Variants in PPWD1 observed in about 807,000 individuals in gnomAD.
PPWD1 encodes the protein peptidylprolyl isomerase domain and WD repeat-containing protein 1.
Under a neutral mutation model 68.8 loss-of-function variants are expected in PPWD1, and 43 were observed. The ratio of observed to expected loss-of-function variants is 0.62; its 90% CI spans 0.49 to 0.81. PPWD1 has a LOEUF of 0.81. Ranked by LOEUF, PPWD1 falls within the 30% of genes least tolerant of loss-of-function variation. The pLI is 0.00. For missense variants in PPWD1, 672 were observed against 804.8 expected, an observed-to-expected ratio of 0.83 and a Z score of 2.00; for synonymous variants, 232 against 258.7, an observed-to-expected ratio of 0.90 and a Z score of 0.99.
At chr5:65,576,703 T>G (rs1213051892) in intron 5 of PPWD1, 176 bp from the exon 6 acceptor site, 2 of 869,756 alleles carry the variant, frequency 2.3e-6, no homozygotes, top group African/African-American at 3.6e-5. Context: ...TGATTGGACT[T>G]ACTAATGTCT....
At chr5:65,578,784 G>GTA (rs372704895) in intron 6 of PPWD1, among the ~76,000 whole-genome samples, 36,659 of 135,170 alleles carry the variant, frequency 0.27, 5,341 homozygotes, top group South Asian at 0.36. Flanking sequence ...ATATATATGT[G>GTA]TATATATATA....
At chr5:65,581,345 CG>C (rs1224280429) in intron 7 of PPWD1, among the ~76,000 whole-genome samples, 2 of 152,018 alleles carry the variant, frequency 1.3e-5, no homozygotes, top group East Asian at 3.9e-4. Context: ...CAGCACTTTG[CG>C]GGGGCCCAAG....
intron 8 of PPWD1, among the ~76,000 whole-genome samples, chr5:65,584,165 A>T (rs906358998): frequency 2.6e-5 from 4 of 152,196 alleles, no homozygotes; most frequent in African/African-American, 9.7e-5. Context: ...GTTTTATACC[A>T]TATCTTGGTA....
rs567014120 is a variant in PPWD1, at chr5:65,571,757, C to T, written c.522-82C>T. 39 of 1,524,540 alleles carry T rather than the reference C, an allele frequency of 2.6e-5. No individual in the cohort carries two copies. In the African/African-American group the frequency reaches 4.9e-4, roughly 19 times the overall value. The allele number at this position is 1,524,540 out of a possible 1,614,324, so 94.4% of individuals were successfully genotyped here. On this transcript the variant is annotated intron_variant, in intron 4 of 10. Coordinates refer to ENST00000261308, the MANE Select transcript of PPWD1 (RefSeq NM_015342.4). ...AAACTGTCTAAATCACCAGCCAAGA[C>T]ATTTTTGGTAGTGGGATAGGGAGGG...
In PPWD1 at chr5:65,579,500, C is replaced by T; in HGVS notation, c.1237C>T (p.His413Tyr). Reference sequence around the variant, plus strand: ...TTTGTTCCAGGGGATAGCCAAAAAGCATCGTGCTGCAACTACTATAGAAAT... The same window carrying T: ...TTTGTTCCAGGGGATAGCCAAAAAGTATCGTGCTGCAACTACTATAGAAAT... ...LALFQGIAKKHRAATTIEMKA... is the reference protein window; with the variant it reads ...LALFQGIAKKYRAATTIEMKA... The change falls in exon 7 of 11, where the codon CAT (histidine) becomes TAT (tyrosine). Residue 413 changes from histidine (H) to tyrosine (Y), a missense_variant. Coordinates refer to ENST00000261308, the MANE Select transcript of PPWD1 (RefSeq NM_015342.4). 6.2e-7 allele frequency: 1 copy of T among 1,609,630 alleles called. No individual in the cohort carries two copies. Among genetic ancestry groups the T allele is most frequent in the Non-Finnish European group, 8.5e-7 (1 of 1,178,528 alleles).
At position 65,569,661 on chromosome 5, in the gene PPWD1, A is replaced by T; in HGVS notation, c.329A>T (p.Asp110Val). Reference protein sequence around the residue: ...KTDFIITASHDGHVKFWKKIE... With the variant: ...KTDFIITASHVGHVKFWKKIE... ...GATTTTATTATTACTGCCAGTCATG[A>T]TGGACATGTCAAGTTCTGGAAAAAA... The change falls in exon 3 of 11, where the codon GAT (aspartate) becomes GTT (valine). Residue 110 changes from aspartate to valine, a missense_variant. Transcript: ENST00000261308. 6.3e-7 allele frequency: 1 copy of T among 1,599,626 alleles called. No individual in the cohort carries two copies. Among genetic ancestry groups the T allele is most frequent in the Non-Finnish European group, 8.6e-7 (1 of 1,168,600 alleles).
intron 1 of PPWD1, among the ~76,000 whole-genome samples, chr5:65,565,549 A>C (rs1752710211): frequency 6.6e-6 from 1 of 152,128 alleles, no homozygotes; most frequent in South Asian, 2.1e-4. Flanking sequence ...GATGCCTGTA[A>C]TCCTGGCACT....
Position 65,563,348 on chromosome 5 carries a change from G to A in PPWD1, c.38G>A (p.Arg13His), listed in dbSNP as rs745411585. The change falls in exon 1 of 11, where the codon CGT (arginine) becomes CAT (histidine). Residue 13 changes from arginine to histidine, a missense_variant. By Grantham distance (29) the Arg-to-His change is conservative. This residue lies in a region of PPWD1 where 188 missense variants were observed against 158.6 expected (regional missense o/e 1.19). Coordinates refer to ENST00000261308, the MANE Select transcript of PPWD1 (RefSeq NM_015342.4). The part of the protein sequence containing the change: ...AESGSDFQQR[R>H]RRRRDPEEPE... Reference sequence around the variant, plus strand: ...AGTGGTAGCGATTTTCAGCAGAGACGTAGAAGGCGCCGGGACCCGGAGGAA... The same window carrying A: ...AGTGGTAGCGATTTTCAGCAGAGACATAGAAGGCGCCGGGACCCGGAGGAA... The A allele has an allele frequency of 4.3e-6, 7 of 1,614,074 alleles. No individual in the cohort carries two copies. Among genetic ancestry groups the A allele is most frequent in the Non-Finnish European group, 3.4e-6 (4 of 1,180,008 alleles).
chr5:65,568,425 C>T (rs1355810526), intron 2 of PPWD1, among the ~76,000 whole-genome samples: 2 of 152,128 alleles, frequency 1.3e-5, no homozygotes, highest in Admixed American at 1.3e-4. Context: ...GGTTAGATAG[C>T]ATATTAGGCT....
At chr5:65,580,056 T>C (rs1753525465) in intron 7 of PPWD1, among the ~76,000 whole-genome samples, 1 of 152,224 alleles carries the variant, frequency 6.6e-6, no homozygotes, top group Non-Finnish European at 1.5e-5. Context: ...ACCTTGGAAT[T>C]ATATATTCCT....
Position 65,571,989 on chromosome 5 carries a change from A to G in PPWD1, c.672A>G (p.Ser224=). 1.2e-6 allele frequency: 2 copies of G among 1,613,836 alleles called. No individual in the cohort carries two copies. Among genetic ancestry groups the G allele is most frequent in the South Asian group, 1.1e-5 (1 of 91,076 alleles). The change falls in exon 5 of 11, where the codon TCA becomes TCG. Residue 224 remains serine (S), a synonymous_variant. Transcript: ENST00000261308. ...PLHIFDKLHT[S]PLTQIRLNPV... ...ATATTTTTGACAAACTCCATACATC[A>G]CCTCTTACTCAGATACGGCTAAACC... is the stretch of plus-strand genomic sequence containing the variant.
At chr5:65,580,025 GACTTTT>G (rs1016850869) in intron 7 of PPWD1, among the ~76,000 whole-genome samples, 10 of 151,698 alleles carry the variant, frequency 6.6e-5, no homozygotes, top group African/African-American at 2.2e-4. Flanking sequence ...TTTACCTTTT[GACTTTT>G]ATTTTAATGG....
At position 65,563,486 on chromosome 5, in the gene PPWD1, C is replaced by T. The variant is rs2150582731; in HGVS notation, c.176C>T (p.Thr59Ile). ...RWVGPLPVEA[T>I]LAKKRKVLEF... ...GTTGGACCTTTACCTGTGGAGGCAA[C>T]ACTGGCCAAGAAGAGGAAAGGTAGC... Residue 59 changes from threonine (T) to isoleucine (I), a missense_variant, in exon 1 of 11, where the codon ACA becomes ATA. Physicochemically the swap from Thr to Ile is moderately conservative, Grantham distance 89. Coordinates refer to ENST00000261308, the MANE Select transcript of PPWD1 (RefSeq NM_015342.4). 6.2e-7 allele frequency: 1 copy of T among 1,612,788 alleles called. No individual in the cohort carries two copies. Among genetic ancestry groups the T allele is most frequent in the South Asian group, 1.1e-5 (1 of 90,922 alleles).
intron 10 of PPWD1, 72 bp downstream of exon 10, chr5:65,586,253 G>A: frequency 7.2e-7 from 1 of 1,387,720 alleles, no homozygotes. Context: ...CTCAGTAGAA[G>A]AGCTGCATTA....
intron 5 of PPWD1, among the ~76,000 whole-genome samples, chr5:65,573,895 A>G (rs1371342287): frequency 2.0e-5 from 3 of 152,194 alleles, no homozygotes; most frequent in Non-Finnish European, 2.9e-5. Context: ...GACTGCTAAC[A>G]AGAATTTGTT....
At chr5:65,567,454 A>G (rs2150590257) in intron 1 of PPWD1, 59 bp from the exon 2 acceptor site, 2 of 1,480,176 alleles carry the variant, frequency 1.4e-6, no homozygotes, top group Non-Finnish European at 9.1e-7. Context: ...AGAAAATACA[A>G]AATAGTATTT....
At chr5:65,567,411 A>G in intron 1 of PPWD1, 102 bp from the exon 2 acceptor site, 14 of 1,362,970 alleles carry the variant, frequency 1.0e-5, no homozygotes, top group Non-Finnish European at 1.3e-5. Flanking sequence ...TCCAGGAGAA[A>G]ATACCAAGTA....
chr5:65,584,926 G>A, intron 8 of PPWD1, 88 bp from the exon 9 acceptor site: 3 of 1,476,858 alleles, frequency 2.0e-6, no homozygotes, highest in East Asian at 2.4e-5. Context: ...GACATGGAAA[G>A]GAAACATCAT....
intron 1 of PPWD1, among the ~76,000 whole-genome samples, chr5:65,564,617 GCTCATTAT>G (rs948075540): frequency 3.9e-5 from 6 of 152,106 alleles, no homozygotes; most frequent in African/African-American, 1.4e-4. Flanking sequence ...ACGGCGCCCA[GCTCATTAT>G]TTTCATTAAA....
Sources: allele counts gnomAD v4.1 joint callset (sites outside exome capture counted in the v4.1 genomes callset), GRCh38; gene constraint gnomAD v4.1.1; regional missense constraint gnomAD v4.1.1; transcripts MANE v1.5; gene names NCBI Gene and HGNC (gene_info 2026-07-23, HGNC 2026-07-21).